Variants in VPS16 observed in about 807,000 individuals in gnomAD.
VPS16 encodes the protein VPS16 core subunit of CORVET and HOPS complexes.
In VPS16, 82 loss-of-function variants were observed where a neutral mutation model predicts 116.0. The ratio of observed to expected loss-of-function variants is 0.71; its 90% CI spans 0.59 to 0.85. The LOEUF (loss-of-function observed/expected upper bound fraction) is 0.85, where lower values mean the gene tolerates loss of function less well. Among genes scored for constraint, VPS16 ranks in the 40% least tolerant of loss-of-function variants. The pLI is 0.00. For missense variants in VPS16, 928 were observed against 1,090.6 expected (o/e 0.85, Z 2.10); for synonymous variants, 406 against 420.7 (o/e 0.96, Z 0.43).
rs372184605 is a variant in VPS16 at position 2,864,920 on chromosome 20, T to C, written c.1927-58T>C. 8 of 1,607,570 alleles carry C rather than the reference T, an allele frequency of 5.0e-6. No homozygotes were observed. The African/African-American group carries it at 8.0e-5, about 16-fold the overall frequency. On this transcript the variant is annotated intron_variant, in intron 19 of 23. Coordinates refer to ENST00000380445, the MANE Select transcript of VPS16 (RefSeq NM_022575.4). The surrounding 1 kb of genome is among the most constrained non-coding windows in gnomAD (Gnocchi z 5.2). Reference sequence around the variant, plus strand: ...ATGGGGGAGAAGACTGTAGCCTGGGTGAGGAGGGCGAGGGTCCTGCATGCT... The same window carrying C: ...ATGGGGGAGAAGACTGTAGCCTGGGCGAGGAGGGCGAGGGTCCTGCATGCT...
At position 2,865,937 on chromosome 20, in the gene VPS16, A is replaced by ACTTC; in HGVS notation, c.2272-274_2272-273insTTCC. On this transcript the variant is annotated intron_variant, in intron 22 of 23. Transcript: ENST00000380445. The surrounding 1 kb of genome is among the most constrained non-coding windows in gnomAD (Gnocchi z 5.2). ...GGAAATGTGAGGGCTGGTGGCAGGA[A>ACTTC]CGCCTGTTGCAAGGGGTAATGGTGG... The ACTTC allele has an allele frequency of 2.0e-6, 1 of 510,580 alleles. No homozygotes were observed. The allele number at this position is 510,580 out of a possible 1,614,324, so 31.6% of individuals were successfully genotyped here. A position where few individuals can be genotyped will look rare whatever the true frequency, so the allele number is the denominator to read the frequency against.
intron 1 of VPS16, among the ~76,000 whole-genome samples, chr20:2,844,860 A>C (rs972033107): frequency 1.3e-5 from 2 of 152,162 alleles, no homozygotes; most frequent in Non-Finnish European, 2.9e-5. Context: ...TGCTGTAGGC[A>C]ACAAGAACAG....
At chr20:2,847,497 TA>T (rs1367056449) in intron 1 of VPS16, among the ~76,000 whole-genome samples, 3 of 132,922 alleles carry the variant, frequency 2.3e-5, no homozygotes, top group Admixed American at 7.8e-5. Context: ...TTTTTTTTTT[TA>T]AGACGGACTC....
At chr20:2,859,274 C>G (rs76194999) in intron 1 of VPS16, among the ~76,000 whole-genome samples, 3,251 of 152,290 alleles carry the variant, frequency 0.021, 144 homozygotes, top group Admixed American at 0.096. Context: ...GGGCAACACA[C>G]TGAGACCCTC....
intron 1 of VPS16, 141 bp from the exon 2 acceptor site, chr20:2,859,577 TC>T (rs1041495860): frequency 8.6e-5 from 83 of 967,536 alleles, no homozygotes; most frequent in Admixed American, 1.4e-4. Flanking sequence ...ATCACCCTCC[TC>T]CCTCCCTCTG....
At position 2,862,562 on chromosome 20, in the gene VPS16, G is replaced by A. The variant is rs1600002059; in HGVS notation, c.1072-17G>A. 6.2e-7 allele frequency: 1 copy of A among 1,611,488 alleles called. No individual in the cohort carries two copies. The highest frequency in any genetic ancestry group is 8.5e-7 in the Non-Finnish European group (1 of 1,178,904). On this transcript the variant is annotated splice_polypyrimidine_tract_variant and intron_variant, in intron 11 of 23. Transcript: ENST00000380445. ...TTCTCTGTCATGATGCCCTGGCTCT[G>A]GACTGCTCCCCACCAGAAAGAGAGC...
chr20:2,854,800 AAAAAAAAGAAAGAAAGAAAAAGAAAAT>A (rs2089156205), intron 1 of VPS16, among the ~76,000 whole-genome samples: 5 of 151,344 alleles, frequency 3.3e-5, no homozygotes, highest in African/African-American at 1.2e-4. Context: ...CATCTCAAAA[AAAAAAAAGAAAGAAAGAAAAAGAAAAT>A]TGAAATCACT....
At chr20:2,845,954 C>T (rs183856802) in intron 1 of VPS16, among the ~76,000 whole-genome samples, 1 of 152,222 alleles carries the variant, frequency 6.6e-6, no homozygotes, top group African/African-American at 2.4e-5. Context: ...TCTTCCTTTT[C>T]GAGGCTGAAT....
chr20:2,842,707 TATAG>T (rs1434480985), intron 1 of VPS16, among the ~76,000 whole-genome samples: 1 of 136,336 alleles, frequency 7.3e-6, no homozygotes, highest in Non-Finnish European at 1.5e-5. Context: ...TGTATCTATA[TATAG>T]ATAGACATAT....
In VPS16 at chr20:2,865,612, GT is replaced by G; in HGVS notation, c.2271+119del. The G allele has an allele frequency of 1.1e-6, 1 of 914,468 alleles. No individual in the cohort carries two copies. The highest frequency in any genetic ancestry group is 1.6e-6 in the Non-Finnish European group (1 of 609,542). The allele number at this position is 914,468 out of a possible 1,614,324, so 56.6% of individuals were successfully genotyped here. A position where few individuals can be genotyped will look rare whatever the true frequency, so the allele number is the denominator to read the frequency against. On this transcript the variant is annotated intron_variant, in intron 22 of 23. Transcript: ENST00000380445. The surrounding 1 kb of genome is among the most constrained non-coding windows in gnomAD (Gnocchi z 5.2). ...ATGCTCCTGTTCAGCTGCCCGCATA[GT>G]TAGCGAGTGCTTCCTGTATACACAT...
In VPS16 at chr20:2,860,201, C is replaced by T. The variant is rs748643985; in HGVS notation, c.241-38C>T. ...GGCTCAGGGCTGGACAGGGTTTCCT[C>T]ACCTGAGGACAGCCTTAGGAACCTC... is the stretch of plus-strand genomic sequence containing the variant. On this transcript the variant is annotated intron_variant, in intron 3 of 23. Coordinates refer to ENST00000380445, the MANE Select transcript of VPS16 (RefSeq NM_022575.4). The surrounding 1 kb of genome is among the most constrained non-coding windows in gnomAD (Gnocchi z 6.1). 1 of 1,613,964 alleles carries T rather than the reference C, an allele frequency of 6.2e-7. No homozygotes were observed. Among genetic ancestry groups the T allele is most frequent in the South Asian group, 1.1e-5 (1 of 91,078 alleles).
intron 1 of VPS16, among the ~76,000 whole-genome samples, chr20:2,856,350 A>G (rs948335288): frequency 2.0e-5 from 3 of 152,214 alleles, no homozygotes; most frequent in Middle Eastern, 3.2e-3. Context: ...ACAGATCACC[A>G]TATCAGATAT....
chr20:2,855,485 C>G (rs1454415494), intron 1 of VPS16, among the ~76,000 whole-genome samples: 1 of 123,330 alleles, frequency 8.1e-6, no homozygotes, highest in Non-Finnish European at 1.6e-5. Flanking sequence ...AAGTCACTAG[C>G]TGCATTAGGC....
chr20:2,862,983 G>A, intron 13 of VPS16, 49 bp downstream of exon 13: 1 of 1,613,840 alleles, frequency 6.2e-7, no homozygotes, highest in Non-Finnish European at 8.5e-7. Context: ...GGGTGGCAGG[G>A]GAAGGGGCTG....
In VPS16 at chr20:2,860,965, C is replaced by T. The variant is rs2089221468; in HGVS notation, c.631-5C>T. 6.2e-7 allele frequency: 1 copy of T among 1,614,160 alleles called. No individual in the cohort carries two copies. The highest frequency in any genetic ancestry group is 8.5e-7 in the Non-Finnish European group (1 of 1,180,052). On this transcript the variant is annotated splice_region_variant and splice_polypyrimidine_tract_variant and intron_variant, in intron 6 of 23. Transcript: ENST00000380445. The surrounding 1 kb of genome is among the most constrained non-coding windows in gnomAD (Gnocchi z 6.1). ...TGTCCCACCCCTACCCTGGCTCTGC[C>T]TCAGACGCCCCCTGGCCTGGCCCCA...
chr20:2,863,788 C>T lies in VPS16; in HGVS notation c.1477-161C>T, dbSNP rs535226894. Among the ~76,000 whole-genome samples, 17 of 136,868 alleles carry T rather than the reference C, an allele frequency of 1.2e-4. 1 individual carries two copies. In the South Asian group the frequency reaches 3.7e-3, roughly 29 times the overall value. The allele number at this position is 136,868 out of a possible 152,430, so 89.8% of individuals were successfully genotyped here. On this transcript the variant is annotated intron_variant, in intron 15 of 23. Coordinates refer to ENST00000380445, the MANE Select transcript of VPS16 (RefSeq NM_022575.4). This position sits in a 1 kb window ranked among gnomAD's most constrained non-coding sequence, Gnocchi z 4.4. ...AAAAAAAAGAAAGAAGTGGCGGGGG[C>T]GGAGGAGGAGGGAAAGAGAGAGAAA...
In VPS16 at chr20:2,860,482, A is replaced by T. The variant is rs142523523; in HGVS notation, c.403A>T (p.Ile135Phe). The change falls in exon 5 of 24, where the codon ATC (isoleucine) becomes TTC (phenylalanine). Residue 135 changes from isoleucine to phenylalanine, a missense_variant. Transcript: ENST00000380445. The surrounding 1 kb of genome is among the most constrained non-coding windows in gnomAD (Gnocchi z 6.1). The part of the protein sequence containing the change: ...VLQNRVLDAR[I>F]FHTEFGSGVA... Reference sequence around the variant, plus strand: ...CCAGAACCGGGTTCTGGATGCCCGGATCTTTCACACTGAGTTTGGTTCCGG... The same window carrying T: ...CCAGAACCGGGTTCTGGATGCCCGGTTCTTTCACACTGAGTTTGGTTCCGG... The T allele has an allele frequency of 6.2e-7, 1 of 1,613,944 alleles. No individual in the cohort carries two copies. Among genetic ancestry groups the T allele is most frequent in the South Asian group, 1.1e-5 (1 of 91,072 alleles).
At chr20:2,861,137 T>C (rs760493091) in intron 7 of VPS16, 45 bp downstream of exon 7, 4 of 1,614,006 alleles carry the variant, frequency 2.5e-6, no homozygotes, top group Non-Finnish European at 3.4e-6. Flanking sequence ...TTGTCCAGGG[T>C]ACAAGATCTT....
rs1287337907 is a variant in VPS16, at chr20:2,864,963, T to G, written c.1927-15T>G. ...TGCATGCTGTGAGTTCAGGCCTTCC[T>G]TCTTGTCTTTATAGCGTATTGAGGG... On this transcript the variant is annotated splice_polypyrimidine_tract_variant and intron_variant, in intron 19 of 23. Coordinates refer to ENST00000380445, the MANE Select transcript of VPS16 (RefSeq NM_022575.4). This position sits in a 1 kb window ranked among gnomAD's most constrained non-coding sequence, Gnocchi z 5.2. The G allele has an allele frequency of 2.2e-5, 35 of 1,614,056 alleles. No homozygotes were observed. The highest frequency in any genetic ancestry group is 3.0e-5 in the Non-Finnish European group (35 of 1,180,026).
Sources: gnomAD v4.1 joint callset for allele counts (sites outside exome capture counted in the v4.1 genomes callset) on GRCh38, gnomAD v4.1.1 for gene constraint, Gnocchi (gnomAD v3.1) non-coding constraint, MANE v1.5 for transcripts, NCBI Gene and HGNC (gene_info 2026-07-23, HGNC 2026-07-21) for gene names.